FGD4: variants seen among roughly 807,000 people sequenced by gnomAD.
The protein encoded by FGD4 is FYVE, RhoGEF and PH domain containing 4, also known as FYVE, RhoGEF and PH domain-containing protein 4.
FGD4 carries 42 observed loss-of-function variants against 102.0 expected under a neutral mutation model. The ratio of observed to expected loss-of-function variants is 0.41; its 90% CI spans 0.32 to 0.53. The LOEUF is 0.53. Among genes scored for constraint, FGD4 ranks in the 20% least tolerant of loss-of-function variants. The pLI is 0.21. For synonymous variants in FGD4, 380 were observed against 375.7 expected (o/e 1.01, Z -0.13); for missense variants, 902 against 1,078.2 (o/e 0.84, Z 2.29).
chr12:32,450,337 G>A (rs1333794607), intron 1 of FGD4, among the ~76,000 whole-genome samples: 1 of 152,140 alleles, frequency 6.6e-6, no homozygotes, highest in East Asian at 1.9e-4. Context: ...CTTCCAAAGT[G>A]CTGGGATTAC....
chr12:32,619,825 C>T lies in FGD4; in HGVS notation c.1877C>T (p.Thr626Ile), dbSNP rs768383862. 4 of 1,614,124 alleles carry T rather than the reference C, an allele frequency of 2.5e-6. No individual in the cohort carries two copies. The South Asian group carries it at 4.4e-5, about 18-fold the overall frequency. Residue 626 changes from threonine to isoleucine, a missense_variant, in exon 11 of 17, where the codon ACT (threonine) becomes ATT (isoleucine). Physicochemically the swap from Thr to Ile is moderately conservative, Grantham distance 89 (BLOSUM62 -1). Around this residue, in one of 2 missense-constraint regions of FGD4, gnomAD observed 459 missense variants for 619.0 expected, o/e 0.74. Transcript: ENST00000534526. ...VETQNEEYPH[T>I]FQVSGKERTL... is the part of the protein sequence containing the mutation. ...ACTCAAAATGAAGAATATCCACATA[C>T]TTTCCAGGTGTCTGGGAAAGAGAGA...
rs34555341 is a variant in FGD4 at position 32,601,319 on chromosome 12, G to A, written c.1143G>A (p.Ser381=). 9.6e-4 allele frequency: 1,546 copies of A among 1,614,102 alleles called. 12 individuals are homozygous for A. In the African/African-American group the frequency reaches 0.018, roughly 19 times the overall value. Residue 381 remains serine (S), a synonymous_variant, in exon 6 of 17, where the codon TCG becomes TCA. Coordinates refer to ENST00000534526, the MANE Select transcript of FGD4 (RefSeq NM_001370298.3). ...TGTTGGAAGAAGCAAACCGAGGCTC[G>A]TTTCCAGCAGAGATGGTGAATAAAA... is the stretch of plus-strand genomic sequence containing the variant. ...CKLLEEANRG[S]FPAEMVNKIF...
At chr12:32,488,729 A>G (rs1381535860) in intron 1 of FGD4, among the ~76,000 whole-genome samples, 1 of 152,208 alleles carries the variant, frequency 6.6e-6, no homozygotes, top group Non-Finnish European at 1.5e-5. Flanking sequence ...TCATGAGGTC[A>G]GGAGTTCGAG....
intron 1 of FGD4, among the ~76,000 whole-genome samples, chr12:32,558,859 A>G (rs542237436): frequency 1.3e-5 from 2 of 152,370 alleles, no homozygotes; most frequent in African/African-American, 4.8e-5. Context: ...CCCAGCAAGC[A>G]TAGGTCAGCA....
intron 1 of FGD4, among the ~76,000 whole-genome samples, chr12:32,453,224 T>TATATATATA (rs1942850724): frequency 1.6e-5 from 1 of 60,668 alleles, no homozygotes; most frequent in South Asian, 6.0e-4. Context: ...ATATATAATA[T>TATATATATA]AGATATATAT....
At chr12:32,620,432 C>T (rs566570685) in intron 11 of FGD4, among the ~76,000 whole-genome samples, 2 of 151,780 alleles carry the variant, frequency 1.3e-5, no homozygotes, top group South Asian at 2.1e-4. Context: ...GAAGGTATGG[C>T]TCTTCTTATA....
intron 1 of FGD4, among the ~76,000 whole-genome samples, chr12:32,461,694 A>C (rs1943107987): frequency 6.6e-6 from 1 of 151,980 alleles, no homozygotes; most frequent in African/African-American, 2.4e-5. Context: ...TTGCCTTGTG[A>C]CTGTTATCCT....
Position 32,432,441 on chromosome 12 carries a change from C to T in FGD4, c.166+32482C>T, listed in dbSNP as rs147064530. On this transcript the variant is annotated intron_variant, in intron 1 of 16. Coordinates refer to ENST00000534526, the MANE Select transcript of FGD4 (RefSeq NM_001370298.3). ...GACCAGCCTGGCCAACATGGTGAAACCCCATTTCTACTGAAAATACAAAAG... is the reference window on the plus strand; with the variant it reads ...GACCAGCCTGGCCAACATGGTGAAATCCCATTTCTACTGAAAATACAAAAG... Among the ~76,000 whole-genome samples, 176 of 151,710 alleles carry T rather than the reference C, an allele frequency of 1.2e-3. 1 individual carries two copies. Among genetic ancestry groups the T allele is most frequent in the African/African-American group, 4.0e-3 (165 of 41,446 alleles).
intron 7 of FGD4, among the ~76,000 whole-genome samples, chr12:32,603,504 C>T (rs1207071643): frequency 1.3e-5 from 2 of 151,918 alleles, no homozygotes; most frequent in Non-Finnish European, 2.9e-5. Context: ...CATTCTCCTG[C>T]CTCAGCCTGT....
At chr12:32,636,902 G>A (rs1159854140) in intron 15 of FGD4, among the ~76,000 whole-genome samples, 38 of 137,438 alleles carry the variant, frequency 2.8e-4, no homozygotes, top group African/African-American at 9.8e-4. Flanking sequence ...ACAGAGTCTT[G>A]CTCTGTCACC....
At chr12:32,482,036 A>C (rs1171850736) in intron 1 of FGD4, among the ~76,000 whole-genome samples, 1 of 152,208 alleles carries the variant, frequency 6.6e-6, no homozygotes, top group African/African-American at 2.4e-5. Context: ...CACATTTCTT[A>C]GAGAACAGTC....
rs762456792 is a variant in FGD4, at chr12:32,638,784, G to A, written c.2443G>A (p.Gly815Ser). 2 of 1,613,978 alleles carry A rather than the reference G, an allele frequency of 1.2e-6. No individual in the cohort carries two copies. Among genetic ancestry groups the A allele is most frequent in the East Asian group, 2.2e-5 (1 of 44,868 alleles). ...KQDPLVLYMY[G>S]APQDVRAQAT... ...AGACCCTCTTGTGCTGTACATGTAT[G>A]GTGCCCCCCAGGTATCTAAACCACA... Residue 815 changes from glycine to serine, a missense_variant, in exon 16 of 17, where the codon GGT becomes AGT. Transcript: ENST00000534526.
intron 1 of FGD4, among the ~76,000 whole-genome samples, chr12:32,487,356 T>A (rs1021795218): frequency 6.6e-6 from 1 of 152,248 alleles, no homozygotes; most frequent in African/African-American, 2.4e-5. Context: ...TTACCCTTTT[T>A]ACACTTTTAC....
chr12:32,609,386 T>G (rs571247374), intron 8 of FGD4, among the ~76,000 whole-genome samples: 1 of 152,214 alleles, frequency 6.6e-6, no homozygotes, highest in East Asian at 1.9e-4. Flanking sequence ...GCAGATCTAG[T>G]GGTGGGGGTG....
intron 1 of FGD4, among the ~76,000 whole-genome samples, chr12:32,543,546 C>T (rs189171449): frequency 4.6e-5 from 7 of 152,260 alleles, no homozygotes; most frequent in Admixed American, 4.6e-4. Context: ...GAGGCTTCTA[C>T]CACCCAGGAA....
Position 32,638,131 on chromosome 12 carries a change from G to T in FGD4, c.2314-524G>T, listed in dbSNP as rs560432021. The stretch of plus-strand genomic sequence containing the variant: ...AATCCCAGCACTTTGGGAGGCCAAG[G>T]TGGGAGGATTGCTTGAGGCCAGGAG... On this transcript the variant is annotated intron_variant, in intron 15 of 16. Transcript: ENST00000534526. Among the ~76,000 whole-genome samples, 24 of 152,318 alleles carry T rather than the reference G, an allele frequency of 1.6e-4. No individual in the cohort carries two copies. In the East Asian group the frequency reaches 4.6e-3, roughly 29 times the overall value.
chr12:32,633,873 G>A (rs1433304527), intron 15 of FGD4, among the ~76,000 whole-genome samples, 184 bp downstream of exon 15: 1 of 152,166 alleles, frequency 6.6e-6, no homozygotes, highest in Non-Finnish European at 1.5e-5. Flanking sequence ...TAGTAGGGAT[G>A]GGGTTTCCCC....
rs1045066068 is a variant in FGD4 at position 32,537,875 on chromosome 12, C to T, written c.167-26262C>T. ...CTGTTCCTTCACCCAGCTTTACTTTCGTTATAGCAGTTTTTTTGTTTGTTT... is the reference window on the plus strand; with the variant it reads ...CTGTTCCTTCACCCAGCTTTACTTTTGTTATAGCAGTTTTTTTGTTTGTTT... On this transcript the variant is annotated intron_variant, in intron 1 of 16. Coordinates refer to ENST00000534526, the MANE Select transcript of FGD4 (RefSeq NM_001370298.3). Among the ~76,000 whole-genome samples, 4 of 152,032 alleles carry T rather than the reference C, an allele frequency of 2.6e-5. No homozygotes were observed. The East Asian group carries it at 7.7e-4, about 29-fold the overall frequency.
Position 32,621,755 on chromosome 12 carries a change from C to T in FGD4, c.1922+1885C>T, listed in dbSNP as rs1293783446. Among the ~76,000 whole-genome samples, 4 of 152,182 alleles carry T rather than the reference C, an allele frequency of 2.6e-5. No individual in the cohort carries two copies. The East Asian group carries it at 7.7e-4, about 29-fold the overall frequency. On this transcript the variant is annotated intron_variant, in intron 11 of 16. Transcript: ENST00000534526. ...CTTGCCTTTGAGTGTCATTGTTTCC[C>T]TACCTCATGGTGGGTTTGGGCCCTA... is the stretch of plus-strand genomic sequence containing the variant.
Sources: allele counts gnomAD v4.1 joint callset (sites outside exome capture counted in the v4.1 genomes callset), GRCh38; gene constraint gnomAD v4.1.1; regional missense constraint gnomAD v4.1.1; transcripts MANE v1.5; gene names NCBI Gene and HGNC (gene_info 2026-07-23, HGNC 2026-07-21).